Variants in STARD13 observed in about 807,000 individuals in gnomAD.
STARD13 encodes the protein StAR related lipid transfer domain containing 13, also known as stAR-related lipid transfer protein 13.
A neutral mutation model predicts 106.4 loss-of-function variants in STARD13; 62 were observed. That is an observed-to-expected ratio of 0.58 (90% CI 0.48 to 0.72). The LOEUF is 0.72. Among genes scored for constraint, STARD13 ranks in the 30% least tolerant of loss-of-function variants. The probability of loss-of-function intolerance (pLI) is 0.00; values close to 1 mark genes in which losing one functional copy is unlikely to be tolerated. For missense variants in STARD13, 1,387 were observed against 1,424.0 expected, an observed-to-expected ratio of 0.97 and a Z score of 0.42; for synonymous variants, 565 against 553.0, an observed-to-expected ratio of 1.02 and a Z score of -0.31.
the STARD13 span, among the ~76,000 whole-genome samples, chr13:33,604,127 A>G: frequency 6.6e-6 from 1 of 152,226 alleles, no homozygotes; most frequent in African/African-American, 2.4e-5. Context: ...CTGAAGCAGG[A>G]ATTTGTGAAT....
intron 1 of STARD13, among the ~76,000 whole-genome samples, chr13:33,249,452 C>T (rs143954120): frequency 8.4e-4 from 128 of 152,286 alleles, no homozygotes; most frequent in African/African-American, 3.0e-3. Context: ...TCCAAGAATT[C>T]GTCTTTGACT....
chr13:33,646,300 G>GCCT, the STARD13 span, among the ~76,000 whole-genome samples: 1 of 152,166 alleles, frequency 6.6e-6, no homozygotes, highest in Non-Finnish European at 1.5e-5. Flanking sequence ...ACGCGACATG[G>GCCT]TAAAATAAAT....
rs571837715 is a variant in STARD13 at position 33,301,445 on chromosome 13, G to A, written c.124+48845C>T. Reference sequence around the variant, plus strand: ...TATGCCTTTTACTTCATTATGTTAAGTCTTTGTGTATAGAGGGGGCTAACG... The same window carrying A: ...TATGCCTTTTACTTCATTATGTTAAATCTTTGTGTATAGAGGGGGCTAACG... On this transcript the variant is annotated intron_variant, in intron 1 of 5. Transcript: ENST00000567873. 5.3e-5 allele frequency among the ~76,000 whole-genome samples: 8 copies of A among 152,128 alleles called. No individual in the cohort carries two copies. The East Asian group carries it at 1.5e-3, about 29-fold the overall frequency.
the STARD13 span, among the ~76,000 whole-genome samples, chr13:33,551,542 C>G: frequency 8.3e-6 from 1 of 120,772 alleles, no homozygotes; most frequent in African/African-American, 3.1e-5. Flanking sequence ...TATCTTCTGT[C>G]TACAAGAGAC....
the STARD13 span, among the ~76,000 whole-genome samples, chr13:33,382,665 A>T: frequency 6.6e-6 from 1 of 152,236 alleles, no homozygotes; most frequent in Non-Finnish European, 1.5e-5. Context: ...CTCTACATAT[A>T]TTGGCTATAG....
At chr13:33,410,672 C>T in the STARD13 span, among the ~76,000 whole-genome samples, 1 of 152,208 alleles carries the variant, frequency 6.6e-6, no homozygotes, top group Admixed American at 6.5e-5. Flanking sequence ...TAGACCCTTT[C>T]AACACAATAA....
chr13:33,508,595 G>T, the STARD13 span, among the ~76,000 whole-genome samples: 8 of 152,186 alleles, frequency 5.3e-5, no homozygotes, highest in South Asian at 1.2e-3. Context: ...GCTGGAAGTG[G>T]AGTGTTGTAA....
chr13:33,204,525 G>A (rs1037769721), intron 1 of STARD13, among the ~76,000 whole-genome samples: 9 of 152,146 alleles, frequency 5.9e-5, no homozygotes, highest in Non-Finnish European at 1.0e-4. Context: ...CTTATGAGAC[G>A]CGTGGAAAGA....
chr13:33,340,183 A>G (rs2077944225), intron 1 of STARD13, among the ~76,000 whole-genome samples: 1 of 152,180 alleles, frequency 6.6e-6, no homozygotes, highest in African/African-American at 2.4e-5. Context: ...TTCTTCTAAT[A>G]ATAAATATTT....
intron 1 of STARD13, among the ~76,000 whole-genome samples, chr13:33,210,155 A>G (rs1031876679): frequency 1.3e-5 from 2 of 152,176 alleles, no homozygotes; most frequent in Non-Finnish European, 2.9e-5. Context: ...TCTTTCTTGC[A>G]AAGAGCCAGG....
At chr13:33,252,164 T>C (rs776511858) in intron 1 of STARD13, among the ~76,000 whole-genome samples, 43 of 152,242 alleles carry the variant, frequency 2.8e-4, no homozygotes, top group Non-Finnish European at 5.0e-4. Context: ...ATATGATGTA[T>C]CCAAAATTGT....
At chr13:33,127,286 A>G in intron 6 of STARD13, 87 bp downstream of exon 6, 1 of 1,407,924 alleles carries the variant, frequency 7.1e-7, no homozygotes, top group Non-Finnish European at 9.3e-7. Context: ...GGTTTTTCAG[A>G]TATCACAAAG....
At chr13:33,132,821 A>G (rs1878505666) in intron 4 of STARD13, among the ~76,000 whole-genome samples, 1 of 152,238 alleles carries the variant, frequency 6.6e-6, no homozygotes, top group Non-Finnish European at 1.5e-5. Context: ...ACAAGTGGAA[A>G]AAGGGCAAGA....
intron 1 of STARD13, among the ~76,000 whole-genome samples, chr13:33,247,332 C>T (rs142963275): frequency 9.9e-5 from 15 of 152,200 alleles, no homozygotes; most frequent in African/African-American, 3.1e-4. Context: ...AATGGAGGGA[C>T]ACTCTGAGTG....
intron 1 of STARD13, among the ~76,000 whole-genome samples, chr13:33,234,300 G>A (rs748783345): frequency 6.6e-5 from 10 of 152,114 alleles, no homozygotes; most frequent in South Asian, 2.1e-4. Flanking sequence ...TTTGAATTTT[G>A]TTCTTTTGAG....
chr13:33,110,479 G>A (rs561760892), intron 11 of STARD13, among the ~76,000 whole-genome samples: 17 of 152,234 alleles, frequency 1.1e-4, no homozygotes, highest in Admixed American at 2.0e-4. Context: ...AGACAGGACC[G>A]GGATCCAGCT....
chr13:33,231,645 C>A (rs1418219926), intron 1 of STARD13, among the ~76,000 whole-genome samples: 1 of 152,106 alleles, frequency 6.6e-6, no homozygotes, highest in South Asian at 2.1e-4. Context: ...TCTATTTAGA[C>A]CCACATCTTA....
chr13:33,554,052 T>C, the STARD13 span, among the ~76,000 whole-genome samples: 1 of 152,154 alleles, frequency 6.6e-6, no homozygotes, highest in Admixed American at 6.5e-5. Context: ...TCCATGAGTT[T>C]ATGAATTTCA....
chr13:33,187,322 C>T (rs1594073732), intron 1 of STARD13, among the ~76,000 whole-genome samples: 1 of 152,310 alleles, frequency 6.6e-6, no homozygotes, highest in East Asian at 1.9e-4. Context: ...ATTGCTGTCA[C>T]AGTCATGATC....
Sources: gnomAD v4.1 joint callset for allele counts (sites outside exome capture counted in the v4.1 genomes callset) on GRCh38, gnomAD v4.1.1 for gene constraint, MANE v1.5 for transcripts, NCBI Gene and HGNC (gene_info 2026-07-23, HGNC 2026-07-21) for gene names.